MAD1L1: variants seen among roughly 807,000 people sequenced by gnomAD.
The protein encoded by MAD1L1 is mitotic spindle assembly checkpoint protein MAD1.
In MAD1L1, 95 loss-of-function variants were observed where a neutral mutation model predicts 96.9. The ratio of observed to expected loss-of-function variants is 0.98; its 90% confidence interval spans 0.83 to 1.16. The LOEUF is 1.16. Among genes scored for constraint, MAD1L1 ranks in the 50% most tolerant of loss-of-function variants. The pLI is 0.00. For missense variants in MAD1L1, 1,007 were observed against 954.4 expected (o/e 1.06, Z -0.73); for synonymous variants, 473 against 396.6 (o/e 1.19, Z -2.29).
rs184687032 is a variant in MAD1L1, at chr7:1,858,354, G to T, written c.1998+39846C>A. Among the ~76,000 whole-genome samples the T allele has an allele frequency of 3.1e-3, 471 of 152,370 alleles. 4 individuals carry two copies. The highest frequency in any genetic ancestry group is 4.3e-3 in the Non-Finnish European group (295 of 68,038). ...CTGGCCCACTCTGGGCATGACAGGG[G>T]ATGAATGGCTTTTGTTTTTGCCTTG... On this transcript the variant is annotated intron_variant, in intron 18 of 18. Transcript: ENST00000265854.
At chr7:1,932,708 C>T (rs1376634190) in intron 17 of MAD1L1, among the ~76,000 whole-genome samples, 1 of 152,240 alleles carries the variant, frequency 6.6e-6, no homozygotes, top group Non-Finnish European at 1.5e-5. Context: ...CCACAGACAG[C>T]CCAGTCTGAG....
At chr7:1,862,985 T>C (rs1784602676) in intron 18 of MAD1L1, among the ~76,000 whole-genome samples, 1 of 152,168 alleles carries the variant, frequency 6.6e-6, no homozygotes, top group South Asian at 2.1e-4. Flanking sequence ...GTCCCACATG[T>C]GTTGGGGAGA....
At chr7:1,973,164 G>T (rs1460534441) in intron 15 of MAD1L1, among the ~76,000 whole-genome samples, 1 of 152,208 alleles carries the variant, frequency 6.6e-6, no homozygotes, top group Non-Finnish European at 1.5e-5. Context: ...GGTCCTGCGG[G>T]CTGATGAGGA....
At position 1,936,822 on chromosome 7, in the gene MAD1L1, G is replaced by A. The variant is rs367812901; in HGVS notation, c.1672C>T (p.Arg558Cys). The change falls in exon 17 of 19, where the codon CGC becomes TGC. Residue 558 changes from arginine (R) to cysteine (C), a missense_variant. Transcript: ENST00000265854. Reference protein sequence around the residue: ...NPTSVARQRLREDHSQLQAEC... With the variant: ...NPTSVARQRLCEDHSQLQAEC... Reference sequence around the variant, plus strand: ...GCCTGCAGCTGGCTGTGGTCCTCGCGCAGGCGCTGCCTGGCCACACTGGTG... The same window carrying A: ...GCCTGCAGCTGGCTGTGGTCCTCGCACAGGCGCTGCCTGGCCACACTGGTG... 7.5e-6 allele frequency: 12 copies of A among 1,602,456 alleles called. No individual in the cohort carries two copies. Among genetic ancestry groups the A allele is most frequent in the African/African-American group, 5.3e-5 (4 of 74,956 alleles).
intron 18 of MAD1L1, among the ~76,000 whole-genome samples, chr7:1,874,893 C>T (rs1292449130): frequency 1.3e-5 from 2 of 152,104 alleles, no homozygotes; most frequent in Non-Finnish European, 2.9e-5. Flanking sequence ...AGACCGGCCA[C>T]ACCCCAGGCC....
chr7:2,179,479 G>A (rs369458865), intron 10 of MAD1L1, among the ~76,000 whole-genome samples: 1 of 149,554 alleles, frequency 6.7e-6, no homozygotes, highest in Non-Finnish European at 1.5e-5. Flanking sequence ...AGTGAGCCAA[G>A]ATCGCGCCAT....
intron 10 of MAD1L1, 140 bp from the exon 11 acceptor site, chr7:2,149,378 TC>T: frequency 1.4e-6 from 1 of 709,930 alleles, no homozygotes; most frequent in Non-Finnish European, 2.5e-6. Context: ...TGGACCCAGG[TC>T]CAGGGCAGCA....
chr7:2,098,074 C>T (rs1786586979), intron 11 of MAD1L1, among the ~76,000 whole-genome samples: 1 of 152,204 alleles, frequency 6.6e-6, no homozygotes, highest in African/African-American at 2.4e-5. Flanking sequence ...CTCCATGCCA[C>T]ACAGCTCTGT....
chr7:2,213,339 A>T (rs1231336598), intron 9 of MAD1L1, 66 bp from the exon 10 acceptor site: 49 of 1,449,834 alleles, frequency 3.4e-5, no homozygotes, highest in Non-Finnish European at 4.5e-5. Flanking sequence ...TAAGACTGAC[A>T]ATCATGATCA....
chr7:2,220,210 G>A (rs747751747), intron 5 of MAD1L1, among the ~76,000 whole-genome samples: 1 of 152,204 alleles, frequency 6.6e-6, no homozygotes, highest in Non-Finnish European at 1.5e-5. Flanking sequence ...CGCTTGGAAC[G>A]GGAGCACGCG....
At chr7:2,078,879 C>T (rs1023807785) in intron 11 of MAD1L1, among the ~76,000 whole-genome samples, 1 of 152,244 alleles carries the variant, frequency 6.6e-6, no homozygotes, top group African/African-American at 2.4e-5. Flanking sequence ...CAGAAGCCAC[C>T]GTGTCCCCCA....
intron 11 of MAD1L1, among the ~76,000 whole-genome samples, chr7:2,094,009 G>A (rs1170109898): frequency 1.3e-5 from 2 of 152,222 alleles, no homozygotes; most frequent in Non-Finnish European, 2.9e-5. Flanking sequence ...CTCAGGCCAC[G>A]CGGGCGCAGA....
intron 11 of MAD1L1, among the ~76,000 whole-genome samples, chr7:2,110,853 C>T (rs1344502625): frequency 2.6e-5 from 4 of 152,286 alleles, no homozygotes; most frequent in East Asian, 3.9e-4. Context: ...CAGCCGTCTG[C>T]GCTCAGACCC....
chr7:2,160,605 T>C (rs1186118489), intron 10 of MAD1L1, among the ~76,000 whole-genome samples: 2 of 151,778 alleles, frequency 1.3e-5, no homozygotes, highest in Non-Finnish European at 2.9e-5. Context: ...AGTGCTGGGA[T>C]TACAGGCGTG....
chr7:2,206,228 T>A (rs1792590658), intron 10 of MAD1L1, among the ~76,000 whole-genome samples: 1 of 152,260 alleles, frequency 6.6e-6, no homozygotes, highest in Admixed American at 6.5e-5. Flanking sequence ...TCCTTCTCTA[T>A]CCTGGAGCAC....
At chr7:2,206,863 C>A (rs570952280) in intron 10 of MAD1L1, among the ~76,000 whole-genome samples, 5 of 152,232 alleles carry the variant, frequency 3.3e-5, no homozygotes, top group African/African-American at 1.2e-4. Flanking sequence ...GGGTGGATCA[C>A]TTGAGGTCAG....
At chr7:2,225,845 CG>C (rs1584599398) in intron 3 of MAD1L1, among the ~76,000 whole-genome samples, 1 of 152,224 alleles carries the variant, frequency 6.6e-6, no homozygotes, top group Admixed American at 6.5e-5. Context: ...CTCCGTGGGT[CG>C]GAAGTCCAGA....
At chr7:2,098,152 A>C (rs1343589410) in intron 11 of MAD1L1, among the ~76,000 whole-genome samples, 1 of 152,170 alleles carries the variant, frequency 6.6e-6, no homozygotes. Flanking sequence ...ACACACTTGG[A>C]ATCACCTTGC....
Position 2,004,472 on chromosome 7 carries a change from G to A in MAD1L1, c.1360-2351C>T, listed in dbSNP as rs977640305. Among the ~76,000 whole-genome samples, 8 of 152,362 alleles carry A rather than the reference G, an allele frequency of 5.3e-5. No homozygotes were observed. The East Asian group carries it at 9.6e-4, about 18-fold the overall frequency. On this transcript the variant is annotated intron_variant, in intron 13 of 18. Coordinates refer to ENST00000265854, the MANE Select transcript of MAD1L1 (RefSeq NM_001013836.2). ...CACATGGCAACCTTGCAAGGTCAAA[G>A]GCACTTTACAGGAGCAGCTTAGAAG...
Sources: allele counts gnomAD v4.1 joint callset (sites outside exome capture counted in the v4.1 genomes callset), GRCh38; gene constraint gnomAD v4.1.1; transcripts MANE v1.5; gene names NCBI Gene and HGNC (gene_info 2026-07-23, HGNC 2026-07-21).